PAAF1: variants seen among roughly 807,000 people sequenced by gnomAD.
PAAF1 encodes the protein proteasomal ATPase-associated factor 1.
Under a neutral mutation model 52.8 loss-of-function variants are expected in PAAF1, and 46 were observed. The observed-to-expected ratio is 0.87, with a 90% CI of 0.69 to 1.11. The LOEUF (loss-of-function observed/expected upper bound fraction) is 1.11, where lower values mean the gene tolerates loss of function less well. Ranked by LOEUF, PAAF1 falls within the 50% of genes most tolerant of loss-of-function variation. The pLI, the probability that PAAF1 is intolerant of heterozygous loss-of-function variation, is 0.00. For missense variants in PAAF1, 424 were observed against 477.4 expected (o/e 0.89, Z 1.04); for synonymous variants, 178 against 172.8 (o/e 1.03, Z -0.24).
chr11:73,927,521 A>C lies in PAAF1; in HGVS notation c.*159A>C. 1 of 643,126 alleles carries C rather than the reference A, an allele frequency of 1.6e-6. No individual in the cohort carries two copies. The highest frequency in any genetic ancestry group is 2.7e-6 in the Non-Finnish European group (1 of 364,372). 39.8% of individuals were successfully genotyped at this position (643,126 alleles called of 1,614,324 possible). A position where few individuals can be genotyped will look rare whatever the true frequency, so the allele number is the denominator to read the frequency against. ...GCTGTACTGGCCGTGTGGAACTCTCATCCCAAGACCTACTTTGAACTGAGT... is the reference window on the plus strand; with the variant it reads ...GCTGTACTGGCCGTGTGGAACTCTCCTCCCAAGACCTACTTTGAACTGAGT... On this transcript the variant is annotated 3_prime_UTR_variant, in exon 12 of 12. Transcript: ENST00000310571.
chr11:73,886,062 AGAATG>A (rs1284792529), intron 2 of PAAF1, among the ~76,000 whole-genome samples: 3 of 152,202 alleles, frequency 2.0e-5, no homozygotes, highest in African/African-American at 7.2e-5. Context: ...GTGTAGAAGA[AGAATG>A]GAAACAGTTT....
Position 73,921,597 on chromosome 11 carries a change from TA to T in PAAF1, c.1018+2566del, listed in dbSNP as rs531557142. The stretch of plus-strand genomic sequence containing the variant: ...TTATGAAATAAAGGCAAAAGATTCG[TA>T]TATCTTGCTGGAAAATGCTGCCCAG... On this transcript the variant is annotated intron_variant, in intron 10 of 11. Transcript: ENST00000310571. The T allele has an allele frequency of 2.7e-3, 1,700 of 631,404 alleles. 5 individuals carry two copies. Among genetic ancestry groups the T allele is most frequent in the Non-Finnish European group, 4.6e-3 (1,492 of 327,302 alleles). 39.1% of individuals were successfully genotyped at this position (631,404 alleles called of 1,614,324 possible). A position where few individuals can be genotyped will look rare whatever the true frequency, so the allele number is the denominator to read the frequency against.
Position 73,916,644 on chromosome 11 carries a change from G to T in PAAF1, c.919G>T (p.Asp307Tyr). The T allele has an allele frequency of 6.2e-7, 1 of 1,613,642 alleles. No individual in the cohort carries two copies. Among genetic ancestry groups the T allele is most frequent in the Non-Finnish European group, 8.5e-7 (1 of 1,179,628 alleles). The change falls in exon 9 of 12, where the codon GAT becomes TAT. Residue 307 changes from aspartate (D) to tyrosine (Y), a missense_variant. Coordinates refer to ENST00000310571, the MANE Select transcript of PAAF1 (RefSeq NM_025155.3). Reference sequence around the variant, plus strand: ...TCAAGATGGAAACATTTATCAGCTGGATGTGAGGAGTCCAAGGTGAGTCAC... The same window carrying T: ...TCAAGATGGAAACATTTATCAGCTGTATGTGAGGAGTCCAAGGTGAGTCAC... ...GTQDGNIYQL[D>Y]VRSPRAPVQV...
intron 10 of PAAF1, among the ~76,000 whole-genome samples, chr11:73,920,407 T>C (rs1440757487): frequency 6.6e-6 from 1 of 152,036 alleles, no homozygotes; most frequent in Non-Finnish European, 1.5e-5. Flanking sequence ...GGTTCATTTC[T>C]GTGGTCCCAG....
chr11:73,927,177 A>G (rs1219580044), intron 11 of PAAF1, 108 bp from the exon 12 acceptor site: 1 of 826,658 alleles, frequency 1.2e-6, no homozygotes, highest in African/African-American at 1.7e-5. Context: ...TGCCTTCATA[A>G]AGCCTTCTCA....
rs778158196 is a variant in PAAF1, at chr11:73,927,293, A to G, written c.1110A>G (p.Thr370=). The change falls in exon 12 of 12, where the codon ACA becomes ACG. Residue 370 remains threonine (T), a synonymous_variant. Coordinates refer to ENST00000310571, the MANE Select transcript of PAAF1 (RefSeq NM_025155.3). The part of the protein sequence containing the change: ...ADCDPVYKVA[T]WEKQIYTCCR... ...GAATTCTTGTGTTTTAGGTAGCCACATGGGAGAAGCAGATCTACACATGCT... is the reference window on the plus strand; with the variant it reads ...GAATTCTTGTGTTTTAGGTAGCCACGTGGGAGAAGCAGATCTACACATGCT... 3.2e-6 allele frequency: 5 copies of G among 1,582,082 alleles called. No homozygotes were observed. The highest frequency in any genetic ancestry group is 3.0e-5 in the African/African-American group (2 of 65,842).
intron 4 of PAAF1, among the ~76,000 whole-genome samples, chr11:73,891,617 A>G (rs1352341634): frequency 6.6e-6 from 1 of 151,998 alleles, no homozygotes; most frequent in East Asian, 1.9e-4. Flanking sequence ...CTCCACAAAA[A>G]AACAAAAATT....
At chr11:73,924,004 T>C (rs1591138698) in intron 10 of PAAF1, among the ~76,000 whole-genome samples, 1 of 149,764 alleles carries the variant, frequency 6.7e-6, no homozygotes, top group Admixed American at 6.7e-5. Flanking sequence ...AGTTTATAAA[T>C]ACACACACAC....
chr11:73,889,781 C>T (rs921421158), intron 3 of PAAF1, among the ~76,000 whole-genome samples: 3 of 152,158 alleles, frequency 2.0e-5, no homozygotes, highest in Admixed American at 2.0e-4. Flanking sequence ...GTTCCAAATC[C>T]AGGCCAGCAC....
rs1055802160 is a variant in PAAF1, at chr11:73,922,132, G to C, written c.1019-2483G>C. The C allele has an allele frequency of 3.2e-6, 3 of 928,988 alleles. No individual in the cohort carries two copies. In the African/African-American group the frequency reaches 4.9e-5, roughly 15 times the overall value. 57.5% of individuals were successfully genotyped at this position (928,988 alleles called of 1,614,324 possible). On this transcript the variant is annotated intron_variant, in intron 10 of 11. Transcript: ENST00000310571. ...TTGAATTGACTTCTGATAGGTAACA[G>C]TGCCATGTTTCCAATGAGTTCAGTG... is the stretch of plus-strand genomic sequence containing the variant.
chr11:73,921,532 T>C, intron 10 of PAAF1: 1 of 527,582 alleles, frequency 1.9e-6, no homozygotes, highest in South Asian at 1.6e-5. Context: ...TCAAGAGTTT[T>C]TCAAGTAAAG....
intron 9 of PAAF1, among the ~76,000 whole-genome samples, chr11:73,918,477 T>A (rs368588922): frequency 8.4e-4 from 125 of 149,422 alleles, no homozygotes; most frequent in African/African-American, 2.9e-3. Flanking sequence ...TCTTTCTTTT[T>A]TTTTTTTATT....
chr11:73,897,424 C>G (rs561103229), intron 4 of PAAF1, among the ~76,000 whole-genome samples: 10 of 150,908 alleles, frequency 6.6e-5, no homozygotes, highest in Non-Finnish European at 1.3e-4. Context: ...CCTCACTTCT[C>G]AGACGGGGCG....
chr11:73,887,528 AT>A, intron 3 of PAAF1, 71 bp downstream of exon 3: 2 of 958,224 alleles, frequency 2.1e-6, no homozygotes. Flanking sequence ...TACCTTAGAT[AT>A]TTATACTATT....
intron 2 of PAAF1, among the ~76,000 whole-genome samples, chr11:73,883,909 C>T (rs999981077): frequency 1.3e-5 from 2 of 152,060 alleles, no homozygotes; most frequent in African/African-American, 4.8e-5. Context: ...ATCCATTCAT[C>T]AATTAATGGA....
intron 6 of PAAF1, among the ~76,000 whole-genome samples, chr11:73,902,512 C>T (rs935512944): frequency 6.6e-6 from 1 of 152,160 alleles, no homozygotes; most frequent in Non-Finnish European, 1.5e-5. Context: ...CATGACTCAG[C>T]ATGTTGAACT....
chr11:73,920,875 T>G (rs186251722), intron 10 of PAAF1, among the ~76,000 whole-genome samples: 7 of 146,280 alleles, frequency 4.8e-5, no homozygotes, highest in Admixed American at 6.9e-5. Flanking sequence ...AATTAAAAAT[T>G]AAAAAATAAG....
intron 3 of PAAF1, chr11:73,889,259 G>C (rs1190632404): frequency 7.5e-7 from 1 of 1,327,832 alleles, no homozygotes; most frequent in Non-Finnish European, 9.7e-7. Flanking sequence ...AGTGCTTATG[G>C]TTGAACATTC....
At chr11:73,879,322 C>A (rs1188642565) in intron 2 of PAAF1, 2 of 152,138 alleles carry the variant, frequency 1.3e-5, no homozygotes, top group Non-Finnish European at 1.5e-5. Flanking sequence ...TCTTAAGTTA[C>A]CATCATTTTT....
Sources: gnomAD v4.1 joint callset for allele counts (sites outside exome capture counted in the v4.1 genomes callset) on GRCh38, gnomAD v4.1.1 for gene constraint, MANE v1.5 for transcripts, NCBI Gene and HGNC (gene_info 2026-07-23, HGNC 2026-07-21) for gene names.